The following NRXN3 variants were observed in gnomAD, a reference collection of about 807,000 sequenced individuals.
NRXN3 encodes the protein neurexin III.
A neutral mutation model predicts 137.6 loss-of-function variants in NRXN3; 32 were observed. That is an observed-to-expected ratio of 0.23 (90% CI 0.18 to 0.31). The LOEUF is 0.31. NRXN3 is among the 10% of genes least tolerant of loss of function. NRXN3 has a pLI of 1.00. For synonymous variants in NRXN3, 798 were observed against 784.5 expected, an observed-to-expected ratio of 1.02 and a Z score of -0.29; for missense variants, 1,574 against 2,062.5, an observed-to-expected ratio of 0.76 and a Z score of 4.59.
intron 15 of NRXN3, among the ~76,000 whole-genome samples, chr14:79,046,024 A>G (rs2099632604): frequency 1.3e-5 from 2 of 152,252 alleles, no homozygotes; most frequent in South Asian, 2.1e-4. Flanking sequence ...GTATGAATGT[A>G]TCAAATTATT....
At chr14:79,378,992 G>A (rs1234454953) in intron 15 of NRXN3, among the ~76,000 whole-genome samples, 2 of 152,026 alleles carry the variant, frequency 1.3e-5, no homozygotes, top group Non-Finnish European at 2.9e-5. Context: ...TACTTCATAC[G>A]TTGTGTTATC....
At chr14:79,272,307 C>T (rs1186243343) in intron 15 of NRXN3, among the ~76,000 whole-genome samples, 1 of 149,640 alleles carries the variant, frequency 6.7e-6, no homozygotes. Flanking sequence ...TCATGCAGTG[C>T]TTTGCCCATA....
intron 16 of NRXN3, among the ~76,000 whole-genome samples, chr14:79,545,882 C>G (rs561045079): frequency 6.6e-6 from 1 of 152,102 alleles, no homozygotes; most frequent in South Asian, 2.1e-4. Flanking sequence ...GGCTGTGTCC[C>G]CACCCAAATC....
chr14:78,406,351 C>A (rs891946104), intron 4 of NRXN3, among the ~76,000 whole-genome samples: 4 of 152,182 alleles, frequency 2.6e-5, no homozygotes, highest in Non-Finnish European at 5.9e-5. Flanking sequence ...ACCCTACCCC[C>A]CCGGAAGCTG....
intron 4 of NRXN3, among the ~76,000 whole-genome samples, chr14:78,356,825 C>G (rs1334364918): frequency 6.6e-6 from 1 of 152,056 alleles, no homozygotes; most frequent in Non-Finnish European, 1.5e-5. Flanking sequence ...TTCTGGACTA[C>G]TCAGCAAAAA....
chr14:78,359,397 G>GAGGGCCCCGTGCTCAGA (rs1240651231), intron 4 of NRXN3, among the ~76,000 whole-genome samples: 212 of 152,294 alleles, frequency 1.4e-3, no homozygotes, highest in African/African-American at 4.9e-3. Flanking sequence ...TGCAGTCACA[G>GAGGGCCCCGTGCTCAGA]AGGGCCCCGT....
chr14:78,282,246 C>A (rs1211522503), intron 3 of NRXN3: 12 of 446,844 alleles, frequency 2.7e-5, no homozygotes, highest in Non-Finnish European at 5.4e-5. Context: ...TGCCTTTAAC[C>A]TTCCCCTGCT....
At chr14:78,944,085 G>C (rs2099360617) in intron 10 of NRXN3, among the ~76,000 whole-genome samples, 1 of 152,090 alleles carries the variant, frequency 6.6e-6, no homozygotes, top group Non-Finnish European at 1.5e-5. Context: ...CAAATCTCTG[G>C]AATTTCAGAA....
intron 15 of NRXN3, among the ~76,000 whole-genome samples, chr14:79,059,803 G>A (rs953852414): frequency 9.8e-5 from 15 of 152,292 alleles, no homozygotes; most frequent in Admixed American, 7.8e-4. Context: ...AAAAGAATGA[G>A]AGCAATGAGC....
chr14:79,073,832 G>A (rs1013599981), intron 15 of NRXN3, among the ~76,000 whole-genome samples: 3 of 152,060 alleles, frequency 2.0e-5, no homozygotes, highest in African/African-American at 7.2e-5. Flanking sequence ...ATTTTCTCAA[G>A]CCAGACTGCC....
At chr14:79,493,193 C>A (rs2096733846) in intron 16 of NRXN3, among the ~76,000 whole-genome samples, 1 of 152,174 alleles carries the variant, frequency 6.6e-6, no homozygotes, top group Non-Finnish European at 1.5e-5. Flanking sequence ...CAATACCACA[C>A]AAAACGTTAA....
intron 4 of NRXN3, among the ~76,000 whole-genome samples, chr14:78,509,840 C>G (rs1473568295): frequency 1.3e-5 from 2 of 151,998 alleles, no homozygotes; most frequent in Non-Finnish European, 2.9e-5. Context: ...CTCAGACAAA[C>G]CTTTGGATGA....
intron 4 of NRXN3, among the ~76,000 whole-genome samples, chr14:78,510,059 T>TATATATATA (rs1567797721): frequency 6.7e-6 from 1 of 148,268 alleles, no homozygotes; most frequent in African/African-American, 2.5e-5. Flanking sequence ...TATATATATA[T>TATATATATA]TTTGGCAATG....
intron 15 of NRXN3, among the ~76,000 whole-genome samples, chr14:79,452,303 A>AT (rs2096187329): frequency 2.0e-5 from 3 of 152,106 alleles, no homozygotes; most frequent in Non-Finnish European, 4.4e-5. Context: ...ATTATCTTGT[A>AT]TTTTTCCATA....
chr14:78,340,264 A>G (rs1240512943), intron 4 of NRXN3, among the ~76,000 whole-genome samples: 1 of 152,224 alleles, frequency 6.6e-6, no homozygotes, highest in Non-Finnish European at 1.5e-5. Flanking sequence ...CAAGAGGACC[A>G]GTCCAGCCCT....
intron 19 of NRXN3, among the ~76,000 whole-genome samples, chr14:79,793,107 C>T (rs1291400357): frequency 6.6e-6 from 1 of 152,114 alleles, no homozygotes; most frequent in African/African-American, 2.4e-5. Context: ...GCTGTTTCCT[C>T]CTGGTACCTT....
At chr14:78,987,025 A>G (rs1477193530) in intron 14 of NRXN3, among the ~76,000 whole-genome samples, 1 of 151,156 alleles carries the variant, frequency 6.6e-6, no homozygotes, top group South Asian at 2.1e-4. Context: ...GTCTCAAAAA[A>G]AAAAAAAAAA....
chr14:79,616,096 A>C lies in NRXN3; in HGVS notation c.3445-47682A>C, dbSNP rs79322344. 7.2e-5 allele frequency among the ~76,000 whole-genome samples: 11 copies of C among 152,252 alleles called. No homozygotes were observed. The East Asian group carries it at 1.9e-3, about 27-fold the overall frequency. On this transcript the variant is annotated intron_variant, in intron 16 of 20. Coordinates refer to ENST00000335750, the MANE Select transcript of NRXN3 (RefSeq NM_001330195.2). ...CAAGGAAGTTAGAGTTAATCAATTG[A>C]CAACGGGGAGCTCTTGAAAAGAACT...
At chr14:78,768,590 A>C (rs777975364) in intron 8 of NRXN3, among the ~76,000 whole-genome samples, 8 of 152,178 alleles carry the variant, frequency 5.3e-5, no homozygotes, top group Non-Finnish European at 7.3e-5. Context: ...ATGTACATCT[A>C]TTTTATCTAC....
Sources: gnomAD v4.1 joint callset for allele counts (sites outside exome capture counted in the v4.1 genomes callset) on GRCh38, gnomAD v4.1.1 for gene constraint, MANE v1.5 for transcripts, NCBI Gene and HGNC (gene_info 2026-07-23, HGNC 2026-07-21) for gene names.